The following BRD1 variants were observed in gnomAD, a reference collection of about 807,000 sequenced individuals.
BRD1 encodes the protein bromodomain containing 1.
BRD1 carries 24 observed loss-of-function variants against 107.7 expected under a neutral mutation model. That is an observed-to-expected ratio of 0.22 (90% CI 0.16 to 0.31). The LOEUF (loss-of-function observed/expected upper bound fraction) is 0.31, where lower values mean the gene tolerates loss of function less well. Ranked by LOEUF, BRD1 falls within the 10% of genes least tolerant of loss-of-function variation. The pLI, the probability that BRD1 is intolerant of heterozygous loss-of-function variation, is 1.00. For missense variants in BRD1, 1,279 were observed against 1,638.6 expected, an observed-to-expected ratio of 0.78 and a Z score of 3.79; for synonymous variants, 744 against 686.1, an observed-to-expected ratio of 1.08 and a Z score of -1.32.
chr22:49,815,828 C>T (rs1415873517), intron 2 of BRD1, among the ~76,000 whole-genome samples: 1 of 152,250 alleles, frequency 6.6e-6, no homozygotes, highest in Non-Finnish European at 1.5e-5. Flanking sequence ...TGGACCTGCC[C>T]TGCAGCTCCT....
intron 1 of BRD1, among the ~76,000 whole-genome samples, chr22:49,827,156 G>A (rs933963276): frequency 1.3e-5 from 2 of 151,358 alleles, no homozygotes; most frequent in Non-Finnish European, 3.0e-5. Flanking sequence ...CTCGAGCGCG[G>A]ACTCCGGGCA....
chr22:49,799,956 G>A (rs1026788840), intron 3 of BRD1, among the ~76,000 whole-genome samples: 4 of 152,192 alleles, frequency 2.6e-5, no homozygotes, highest in Admixed American at 1.3e-4. Context: ...GGAAGTCAAC[G>A]AGGGAGTTGG....
At chr22:49,785,091 A>C (rs1376324685) in intron 8 of BRD1, among the ~76,000 whole-genome samples, 2 of 152,232 alleles carry the variant, frequency 1.3e-5, no homozygotes, top group East Asian at 3.8e-4. Flanking sequence ...GAAGCCCGCA[A>C]AACACTCCAC....
chr22:49,799,742 G>A (rs1020698268), intron 3 of BRD1, among the ~76,000 whole-genome samples: 7 of 152,302 alleles, frequency 4.6e-5, no homozygotes, highest in South Asian at 4.1e-4. Flanking sequence ...AGCACAGGCC[G>A]CCAGCCTCAA....
In BRD1 at chr22:49,792,485, C is replaced by T. The variant is rs1430168009; in HGVS notation, c.2359+1549G>A. ...GGACAGGTATGGCTGCCAGAGGGTC[C>T]TGTAGGCAAACGTTCCTCAGAAAAA... On this transcript the variant is annotated intron_variant, in intron 7 of 12. Coordinates refer to ENST00000404760, the MANE Select transcript of BRD1 (RefSeq NM_001304808.3). The surrounding 1 kb of genome is among the most constrained non-coding windows in gnomAD (Gnocchi z 4.2). Among the ~76,000 whole-genome samples the T allele has an allele frequency of 2.0e-5, 3 of 152,236 alleles. No homozygotes were observed. The highest frequency in any genetic ancestry group is 7.2e-5 in the African/African-American group (3 of 41,458).
intron 8 of BRD1, among the ~76,000 whole-genome samples, chr22:49,781,311 G>A (rs766770702): frequency 3.9e-5 from 6 of 152,166 alleles, no homozygotes; most frequent in African/African-American, 7.2e-5. Flanking sequence ...AAACTGTCCC[G>A]GGAGGTCCCC....
At chr22:49,825,656 C>T (rs1370239745) in intron 1 of BRD1, 4 of 152,316 alleles carry the variant, frequency 2.6e-5, no homozygotes, top group Admixed American at 1.3e-4. Flanking sequence ...GCATACTCTG[C>T]ATCTAGCCCT....
rs147334124 is a variant in BRD1 at position 49,823,558 on chromosome 22, C to T, written c.760G>A (p.Gly254Ser). Residue 254 changes from glycine to serine, a missense_variant, in exon 2 of 13, where the codon GGC (glycine) becomes AGC (serine). Gly to Ser is a moderately conservative substitution (Grantham distance 56). Transcript: ENST00000404760. Reference sequence around the variant, plus strand: ...AGGCAGTGGCGGCAGAGCCACTGGCCCTCGGGGATGTAGGGCACCCCGTAG... The same window carrying T: ...AGGCAGTGGCGGCAGAGCCACTGGCTCTCGGGGATGTAGGGCACCCCGTAG... Reference protein sequence around the residue: ...ECYGVPYIPEGQWLCRHCLQS... With the variant: ...ECYGVPYIPESQWLCRHCLQS... The T allele has an allele frequency of 6.2e-7, 1 of 1,602,406 alleles. No homozygotes were observed. Among genetic ancestry groups the T allele is most frequent in the African/African-American group, 1.3e-5 (1 of 74,848 alleles).
chr22:49,812,365 T>C (rs572743267), intron 2 of BRD1, among the ~76,000 whole-genome samples: 1 of 152,334 alleles, frequency 6.6e-6, no homozygotes, highest in East Asian at 1.9e-4. Flanking sequence ...ATAAATCTAA[T>C]AGACTTTTAT....
rs752933074 is a variant in BRD1 at position 49,775,712 on chromosome 22, G to A, written c.3265C>T (p.His1089Tyr). The A allele has an allele frequency of 1.9e-6, 3 of 1,611,996 alleles. No homozygotes were observed. Among genetic ancestry groups the A allele is most frequent in the South Asian group, 1.1e-5 (1 of 90,830 alleles). The change falls in exon 12 of 13, where the codon CAC becomes TAC. Residue 1089 changes from histidine (H) to tyrosine (Y), a missense_variant. Coordinates refer to ENST00000404760, the MANE Select transcript of BRD1 (RefSeq NM_001304808.3). ...IDPKMPRVPG[H>Y]HNGVTIPAPP... ...GCCGGGATGGTGACGCCGTTGTGGT[G>A]GCCAGGCACACGGGGCATCTTGGGG...
At chr22:49,784,257 C>G (rs983728073) in intron 8 of BRD1, among the ~76,000 whole-genome samples, 1 of 150,738 alleles carries the variant, frequency 6.6e-6, no homozygotes, top group Admixed American at 6.6e-5. Context: ...CGCCCCAGCA[C>G]GTGCACAGGG....
chr22:49,784,870 C>T (rs1449347045), intron 8 of BRD1, among the ~76,000 whole-genome samples: 1 of 152,214 alleles, frequency 6.6e-6, no homozygotes, highest in Non-Finnish European at 1.5e-5. Flanking sequence ...TCCCGAGGGC[C>T]TGGTCTTAAT....
At chr22:49,826,884 G>A (rs1009466275) in intron 1 of BRD1, among the ~76,000 whole-genome samples, 5 of 152,324 alleles carry the variant, frequency 3.3e-5, no homozygotes, top group South Asian at 2.1e-4. Context: ...CGCGTTTCCC[G>A]TGAACTGCGC....
chr22:49,803,856 C>G lies in BRD1; in HGVS notation c.1524+348G>C, dbSNP rs986461595. Among the ~76,000 whole-genome samples the G allele has an allele frequency of 6.6e-6, 1 of 152,232 alleles. No individual in the cohort carries two copies. Among genetic ancestry groups the G allele is most frequent in the African/African-American group, 2.4e-5 (1 of 41,450 alleles). On this transcript the variant is annotated intron_variant, in intron 3 of 12. Transcript: ENST00000404760. The surrounding 1 kb of genome is among the most constrained non-coding windows in gnomAD (Gnocchi z 4.4). The stretch of plus-strand genomic sequence containing the variant: ...GGTCCCACTCCTGCTGTCCCCAGCC[C>G]GGACGCTCATGCAGCCACAGCATAA...
chr22:49,785,133 C>T (rs188081148), intron 8 of BRD1, among the ~76,000 whole-genome samples: 2 of 152,370 alleles, frequency 1.3e-5, no homozygotes, highest in Admixed American at 6.5e-5. Flanking sequence ...GGAGGGGACA[C>T]GTGCTCTTCT....
chr22:49,818,146 C>A (rs2059990470), intron 2 of BRD1: 1 of 930,240 alleles, frequency 1.1e-6, no homozygotes, highest in Non-Finnish European at 1.3e-6. Context: ...GCGGGAGGAG[C>A]ACCCTATCAG....
chr22:49,825,927 A>T (rs2060142718), intron 1 of BRD1: 1 of 152,312 alleles, frequency 6.6e-6, no homozygotes, highest in Admixed American at 6.5e-5. Flanking sequence ...GGAATAGGAG[A>T]GAAAATGTGG....
chr22:49,809,351 C>T (rs777425839), intron 2 of BRD1, among the ~76,000 whole-genome samples: 1 of 151,982 alleles, frequency 6.6e-6, no homozygotes, highest in Non-Finnish European at 1.5e-5. Flanking sequence ...ACCAGCCTAG[C>T]CAAGATGGTG....
At chr22:49,812,345 G>A (rs2059866266) in intron 2 of BRD1, among the ~76,000 whole-genome samples, 1 of 152,184 alleles carries the variant, frequency 6.6e-6, no homozygotes, top group Non-Finnish European at 1.5e-5. Flanking sequence ...ATATTAACAA[G>A]TGCCTAGAAA....
Sources: gnomAD v4.1 joint callset for allele counts (sites outside exome capture counted in the v4.1 genomes callset) on GRCh38, gnomAD v4.1.1 for gene constraint, Gnocchi (gnomAD v3.1) non-coding constraint, MANE v1.5 for transcripts, NCBI Gene and HGNC (gene_info 2026-07-23, HGNC 2026-07-21) for gene names.